Variants in SMG6 observed in about 807,000 individuals in gnomAD.
SMG6 encodes SMG6 nonsense mediated mRNA decay factor, also known as telomerase-binding protein EST1A.
In SMG6, 66 loss-of-function variants were observed where a neutral mutation model predicts 142.2. The observed-to-expected ratio is 0.46, with a 90% confidence interval of 0.38 to 0.57. SMG6 has a LOEUF of 0.57. SMG6 is among the 20% of genes least tolerant of loss of function. The pLI, the probability that SMG6 is intolerant of heterozygous loss-of-function variation, is 0.00. For synonymous variants in SMG6, 779 were observed against 702.4 expected, an observed-to-expected ratio of 1.11 and a Z score of -1.72; for missense variants, 1,793 against 1,832.0, an observed-to-expected ratio of 0.98 and a Z score of 0.39.
Position 2,299,913 on chromosome 17 carries a change from G to A in SMG6, c.840C>T (p.Arg280=), listed in dbSNP as rs1463408309. The A allele has an allele frequency of 1.9e-6, 3 of 1,613,998 alleles. No individual in the cohort carries two copies. The highest frequency in any genetic ancestry group is 2.7e-5 in the African/African-American group (2 of 74,926). Residue 280 remains arginine (R), a synonymous_variant, in exon 2 of 19, where the codon CGC becomes CGT. Coordinates refer to ENST00000263073, the MANE Select transcript of SMG6 (RefSeq NM_017575.5). The surrounding 1 kb of genome is among the most constrained non-coding windows in gnomAD (Gnocchi z 4.3). ...GAGLTDNGCR[R]RRQDRTKERP... ...TCTCCTTGGTCCTATCCTGTCGGCG[G>A]CGGCGACATCCATTATCCGTCAGGC...
intron 13 of SMG6, among the ~76,000 whole-genome samples, chr17:2,155,019 G>A (rs1232298304): frequency 1.3e-5 from 2 of 150,886 alleles, no homozygotes; most frequent in Admixed American, 6.6e-5. Context: ...ACAAGATGTT[G>A]TCTCAAAAAA....
At chr17:2,199,604 T>C (rs908285043) in intron 10 of SMG6, among the ~76,000 whole-genome samples, 4 of 151,696 alleles carry the variant, frequency 2.6e-5, no homozygotes, top group African/African-American at 9.7e-5. Context: ...TTAATTTTGA[T>C]TTAAAAAAAT....
intron 6 of SMG6, among the ~76,000 whole-genome samples, chr17:2,288,398 T>C (rs748457912): frequency 5.3e-5 from 8 of 151,832 alleles, no homozygotes; most frequent in Non-Finnish European, 8.8e-5. Context: ...GGCAGGTGGC[T>C]AGCTTGAAGT....
chr17:2,175,843 G>A (rs1436059695), intron 12 of SMG6, among the ~76,000 whole-genome samples: 1 of 152,182 alleles, frequency 6.6e-6, no homozygotes, highest in Non-Finnish European at 1.5e-5. Flanking sequence ...AATTCAAATT[G>A]GTCTTGTGCT....
chr17:2,297,231 A>C lies in SMG6; in HGVS notation c.2151+12T>G. The C allele has an allele frequency of 1.9e-6, 3 of 1,562,584 alleles. No individual in the cohort carries two copies. In the South Asian group the frequency reaches 3.5e-5, roughly 18 times the overall value. ...GAATGAAAATTTAAGATACATAAAG[A>C]AGGTAGCTTACTGTCTTGCGTAATG... On this transcript the variant is annotated intron_variant, in intron 4 of 18. Transcript: ENST00000263073.
At chr17:2,161,162 C>G (rs2071166183) in intron 13 of SMG6, among the ~76,000 whole-genome samples, 1 of 147,690 alleles carries the variant, frequency 6.8e-6, no homozygotes, top group African/African-American at 2.5e-5. Flanking sequence ...GGCTGGAGTG[C>G]AGGGGCGCGA....
Position 2,283,687 on chromosome 17 carries a change from T to G in SMG6, c.2386A>C (p.Ser796Arg). 6.2e-7 allele frequency: 1 copy of G among 1,614,178 alleles called. No individual in the cohort carries two copies. Among genetic ancestry groups the G allele is most frequent in the East Asian group, 2.2e-5 (1 of 44,872 alleles). Residue 796 changes from serine to arginine, a missense_variant, in exon 7 of 19, where the codon AGC (serine) becomes CGC (arginine). Ser to Arg is a moderately radical substitution (Grantham distance 110). Around this residue, in one of 3 missense-constraint regions of SMG6, gnomAD observed 1,597 missense variants for 1,584.6 expected, o/e 1.01. Coordinates refer to ENST00000263073, the MANE Select transcript of SMG6 (RefSeq NM_017575.5). ...TCCTTGGCAGTCAGGATAGGGTTGC[T>G]GGCAGCTAAACTGCGCATATAGTAA... is the stretch of plus-strand genomic sequence containing the variant. ...VYYYMRSLAASNPILTAKESL... is the reference protein window; with the variant it reads ...VYYYMRSLAARNPILTAKESL...
At chr17:2,168,475 G>A (rs2071407454) in intron 13 of SMG6, among the ~76,000 whole-genome samples, 1 of 152,134 alleles carries the variant, frequency 6.6e-6, no homozygotes. Flanking sequence ...GAGCCATCAC[G>A]CTAGGTCTGC....
intron 15 of SMG6, 71 bp from the exon 16 acceptor site, chr17:2,069,002 A>G (rs1051594361): frequency 6.7e-7 from 1 of 1,500,500 alleles, no homozygotes; most frequent in East Asian, 2.3e-5. Context: ...GGGCCCTGAC[A>G]CTACGGTGTG....
At chr17:2,147,135 G>A (rs2070693209) in intron 13 of SMG6, among the ~76,000 whole-genome samples, 1 of 152,198 alleles carries the variant, frequency 6.6e-6, no homozygotes, top group Non-Finnish European at 1.5e-5. Context: ...GCTCACACCT[G>A]TAATCCCAGA....
intron 9 of SMG6, 95 bp from the exon 10 acceptor site, chr17:2,236,732 CA>C: frequency 3.6e-6 from 5 of 1,374,052 alleles, no homozygotes; most frequent in East Asian, 2.5e-5. Flanking sequence ...CACACACACA[CA>C]CACACACACA....
At chr17:2,284,900 T>G (rs184524696) in intron 6 of SMG6, among the ~76,000 whole-genome samples, 1 of 152,248 alleles carries the variant, frequency 6.6e-6, no homozygotes, top group Admixed American at 6.5e-5. Flanking sequence ...TTCCAATCCA[T>G]ACTAATTTCT....
intron 8 of SMG6, among the ~76,000 whole-genome samples, chr17:2,258,414 T>C (rs1262426180): frequency 6.6e-6 from 1 of 151,462 alleles, no homozygotes. Context: ...AAAAATTAGC[T>C]GGGTGTTATG....
Position 2,172,743 on chromosome 17 carries a change from A to G in SMG6, c.3272T>C (p.Leu1091Pro). 6.2e-7 allele frequency: 1 copy of G among 1,614,208 alleles called. No individual in the cohort carries two copies. The highest frequency in any genetic ancestry group is 8.5e-7 in the Non-Finnish European group (1 of 1,180,034). The change falls in exon 13 of 19, where the codon CTG becomes CCG. Residue 1091 changes from leucine (L) to proline (P), a missense_variant. Physicochemically the swap from Leu to Pro is moderately conservative, Grantham distance 98 (BLOSUM62 -3). Around this residue, in one of 3 missense-constraint regions of SMG6, gnomAD observed 1,597 missense variants for 1,584.6 expected, o/e 1.01. Coordinates refer to ENST00000263073, the MANE Select transcript of SMG6 (RefSeq NM_017575.5). ...DPDDDLTLLI[L>P]EEDRLLSGFV... is the part of the protein sequence containing the mutation. ...GCCCGAGAGAAGCCGATCCTCTTCCAGGATAAGAAGGGTGAGGTCATCATC... is the reference window on the plus strand; with the variant it reads ...GCCCGAGAGAAGCCGATCCTCTTCCGGGATAAGAAGGGTGAGGTCATCATC...
Position 2,299,743 on chromosome 17 carries a change from C to T in SMG6, c.1010G>A (p.Gly337Asp), listed in dbSNP as rs2075230961. Residue 337 changes from glycine (G) to aspartate (D), a missense_variant, in exon 2 of 19, where the codon GGT (glycine) becomes GAT (aspartate). Around this residue, in one of 3 missense-constraint regions of SMG6, gnomAD observed 1,597 missense variants for 1,584.6 expected, o/e 1.01. Transcript: ENST00000263073. The surrounding 1 kb of genome is among the most constrained non-coding windows in gnomAD (Gnocchi z 4.3). ...LERNWSGRGEGEQKNSAKEYR... is the reference protein window; with the variant it reads ...LERNWSGRGEDEQKNSAKEYR... ...TTCTTTAGCACTGTTTTTCTGCTCACCCTCCCCACGGCCAGACCAGTTTCT... is the reference window on the plus strand; with the variant it reads ...TTCTTTAGCACTGTTTTTCTGCTCATCCTCCCCACGGCCAGACCAGTTTCT... The T allele has an allele frequency of 1.9e-6, 3 of 1,614,072 alleles. No individual in the cohort carries two copies. The highest frequency in any genetic ancestry group is 3.3e-5 in the Admixed American group (2 of 60,002).
intron 13 of SMG6, among the ~76,000 whole-genome samples, chr17:2,131,410 C>T (rs915809306): frequency 6.6e-6 from 1 of 152,084 alleles, no homozygotes; most frequent in Non-Finnish European, 1.5e-5. Context: ...ATTCTCCTGC[C>T]TCAGCCTCCT....
chr17:2,162,898 CT>C (rs2071225835), intron 13 of SMG6, among the ~76,000 whole-genome samples: 1 of 152,176 alleles, frequency 6.6e-6, no homozygotes, highest in Non-Finnish European at 1.5e-5. Context: ...GTGGTGCAAT[CT>C]AGGCTGAGTA....
At chr17:2,113,017 CA>C (rs2069386686) in intron 13 of SMG6, among the ~76,000 whole-genome samples, 2 of 152,034 alleles carry the variant, frequency 1.3e-5, no homozygotes, top group South Asian at 4.1e-4. Flanking sequence ...CTCAGCTTCC[CA>C]AAGTGCTGGG....
At chr17:2,156,597 A>T (rs1025067051) in intron 13 of SMG6, among the ~76,000 whole-genome samples, 2 of 152,094 alleles carry the variant, frequency 1.3e-5, no homozygotes, top group Non-Finnish European at 2.9e-5. Context: ...GAGCATTTAC[A>T]AATGAAATGC....
Sources: gnomAD v4.1 joint callset for allele counts (sites outside exome capture counted in the v4.1 genomes callset) on GRCh38, gnomAD v4.1.1 for gene constraint, gnomAD v4.1.1 regional missense constraint, Gnocchi (gnomAD v3.1) non-coding constraint, MANE v1.5 for transcripts, NCBI Gene and HGNC (gene_info 2026-07-23, HGNC 2026-07-21) for gene names.